SCUBE1: variants seen among roughly 807,000 people sequenced by gnomAD.
SCUBE1 encodes the protein signal peptide, CUB domain and EGF like domain containing 1.
SCUBE1 carries 59 observed loss-of-function variants against 124.4 expected under a neutral mutation model. The ratio of observed to expected loss-of-function variants is 0.47; its 90% CI spans 0.38 to 0.59. The LOEUF (loss-of-function observed/expected upper bound fraction) is 0.59. SCUBE1 is among the 20% of genes least tolerant of loss of function. SCUBE1 has a pLI of 0.00. For missense variants in SCUBE1, 1,150 were observed against 1,371.2 expected, an observed-to-expected ratio of 0.84 and a Z score of 2.55; for synonymous variants, 545 against 550.9, an observed-to-expected ratio of 0.99 and a Z score of 0.15.
chr22:43,198,923 T>G lies in SCUBE1; in HGVS notation c.*5074A>C. On this transcript the variant is annotated 3_prime_UTR_variant, in exon 22 of 22. Coordinates refer to ENST00000360835, the MANE Select transcript of SCUBE1 (RefSeq NM_173050.5). ...CGGGGCAGTTTGTCTGTCTGCTGTC[T>G]GGGGCAGTTTGTCTGTCTGTCTGCT... 1 of 371,848 alleles carries G rather than the reference T, an allele frequency of 2.7e-6. No individual in the cohort carries two copies. Among genetic ancestry groups the G allele is most frequent in the Non-Finnish European group, 5.3e-6 (1 of 189,954 alleles). 23.0% of individuals were successfully genotyped at this position (371,848 alleles called of 1,614,324 possible). A position where few individuals can be genotyped will look rare whatever the true frequency, so the allele number is the denominator to read the frequency against.
chr22:43,331,581 G>A (rs566096136), intron 2 of SCUBE1, among the ~76,000 whole-genome samples: 5 of 152,220 alleles, frequency 3.3e-5, no homozygotes, highest in Non-Finnish European at 7.3e-5. Context: ...TTTGCTCCTC[G>A]TTTGGGGCCT....
At chr22:43,217,977 C>T (rs980250101) in intron 15 of SCUBE1, among the ~76,000 whole-genome samples, 3 of 152,204 alleles carry the variant, frequency 2.0e-5, no homozygotes, top group Admixed American at 6.5e-5. Context: ...TTCTGGTTCC[C>T]GTGCCCCCTC....
At chr22:43,244,803 C>T (rs544026710) in intron 6 of SCUBE1, among the ~76,000 whole-genome samples, 17 of 152,252 alleles carry the variant, frequency 1.1e-4, no homozygotes, top group Non-Finnish European at 2.4e-4. Context: ...ATGGGCCCAG[C>T]GTCCCACAAA....
intron 2 of SCUBE1, among the ~76,000 whole-genome samples, chr22:43,324,306 G>A (rs564036375): frequency 6.6e-6 from 1 of 152,074 alleles, no homozygotes; most frequent in East Asian, 1.9e-4. Flanking sequence ...TCCCCATAAC[G>A]TAGGCCACAG....
intron 5 of SCUBE1, 129 bp downstream of exon 5, chr22:43,262,591 T>C (rs1285722569): frequency 9.1e-7 from 1 of 1,094,662 alleles, no homozygotes; most frequent in Non-Finnish European, 1.3e-6. Flanking sequence ...CCACAGGCCC[T>C]GCCCTTCTCT....
At chr22:43,270,999 G>A (rs776293941) in intron 4 of SCUBE1, among the ~76,000 whole-genome samples, 1 of 152,164 alleles carries the variant, frequency 6.6e-6, no homozygotes, top group Admixed American at 6.5e-5. Context: ...CCTCCCGGCC[G>A]CCCTGCACAA....
intron 16 of SCUBE1, 44 bp downstream of exon 16, chr22:43,214,046 C>CCCGG: frequency 2.4e-6 from 1 of 422,700 alleles, no homozygotes; most frequent in Non-Finnish European, 4.1e-6. Context: ...GAGGAGCCCC[C>CCCGG]GCCCACCCCC....
chr22:43,264,463 G>A (rs1269241405), intron 4 of SCUBE1, among the ~76,000 whole-genome samples: 1 of 152,192 alleles, frequency 6.6e-6, no homozygotes, highest in Non-Finnish European at 1.5e-5. Flanking sequence ...GGGCCTGGCT[G>A]GACCGGGTGG....
At position 43,234,933 on chromosome 22, in the gene SCUBE1, C is replaced by T. The variant is rs1922697653; in HGVS notation, c.845-3058G>A. On this transcript the variant is annotated intron_variant, in intron 7 of 21. Transcript: ENST00000360835. This position sits in a 1 kb window ranked among gnomAD's most constrained non-coding sequence, Gnocchi z 4.4. ...CCAGTGACCGCACCCAGTACAGCCA[C>T]AGCCCCCCTCTCACCTGCTGACCCC... is the stretch of plus-strand genomic sequence containing the variant. Among the ~76,000 whole-genome samples, 1 of 152,222 alleles carries T rather than the reference C, an allele frequency of 6.6e-6. No individual in the cohort carries two copies. Among genetic ancestry groups the T allele is most frequent in the Admixed American group, 6.5e-5 (1 of 15,290 alleles).
intron 4 of SCUBE1, among the ~76,000 whole-genome samples, chr22:43,263,443 A>G (rs991186539): frequency 3.3e-5 from 5 of 152,198 alleles, no homozygotes; most frequent in Non-Finnish European, 4.4e-5. Flanking sequence ...CTGTCTGCCA[A>G]CCCACCAGCT....
intron 3 of SCUBE1, among the ~76,000 whole-genome samples, chr22:43,306,681 C>G (rs117978708): frequency 5.3e-5 from 8 of 152,180 alleles, no homozygotes; most frequent in Non-Finnish European, 1.0e-4. Context: ...CCTTCCTTCA[C>G]GTACACCCTT....
rs747823454 is a variant in SCUBE1 at position 43,227,489 on chromosome 22, G to C, written c.1092C>G (p.Asp364Glu). ...AGCTCCCGTTGCTCATGCTGCACTC[G>C]TCCACATCTGGAAGCACAGCGGGCG... ...LYGTTHCGDVDECSMSNGSCD... is the reference protein window; with the variant it reads ...LYGTTHCGDVEECSMSNGSCD... The change falls in exon 10 of 22, where the codon GAC (aspartate) becomes GAG (glutamate). Residue 364 changes from aspartate (D) to glutamate (E), a missense_variant. Around this residue, in one of 3 missense-constraint regions of SCUBE1, gnomAD observed 337 missense variants for 482.1 expected, o/e 0.70. Transcript: ENST00000360835. 2 of 1,611,978 alleles carry C rather than the reference G, an allele frequency of 1.2e-6. No individual in the cohort carries two copies. Among genetic ancestry groups the C allele is most frequent in the African/African-American group, 2.7e-5 (2 of 74,894 alleles).
chr22:43,220,119 A>G (rs1213005908), intron 14 of SCUBE1, among the ~76,000 whole-genome samples: 6 of 152,154 alleles, frequency 3.9e-5, no homozygotes, highest in Non-Finnish European at 5.9e-5. Context: ...CCTTGGCTCA[A>G]CCATTCTAGG....
chr22:43,252,508 C>G (rs1923492862), intron 6 of SCUBE1, among the ~76,000 whole-genome samples: 1 of 152,216 alleles, frequency 6.6e-6, no homozygotes, highest in Non-Finnish European at 1.5e-5. Context: ...GGTCCAGGTT[C>G]TGACCTTGCT....
At chr22:43,310,404 C>T (rs572420498) in intron 3 of SCUBE1, among the ~76,000 whole-genome samples, 58 of 152,324 alleles carry the variant, frequency 3.8e-4, no homozygotes, top group African/African-American at 9.9e-4. Flanking sequence ...TAGGACCCAG[C>T]GGCCATGATG....
Position 43,212,480 on chromosome 22 carries a change from C to G in SCUBE1, c.2166G>C (p.Gly722=). The G allele has an allele frequency of 6.4e-7, 1 of 1,554,350 alleles. No homozygotes were observed. The highest frequency in any genetic ancestry group is 8.7e-7 in the Non-Finnish European group (1 of 1,148,930). The part of the protein sequence containing the change: ...PGRTGCFPCG[G]GLLTKHEGTT... Reference sequence around the variant, plus strand: ...TGCCTTCGTGTTTGGTGAGCAAACCCCCTCCACAGGGGAAGCAGCCGGTGC... The same window carrying G: ...TGCCTTCGTGTTTGGTGAGCAAACCGCCTCCACAGGGGAAGCAGCCGGTGC... Residue 722 remains glycine, a synonymous_variant, in exon 17 of 22, where the codon GGG becomes GGC. Coordinates refer to ENST00000360835, the MANE Select transcript of SCUBE1 (RefSeq NM_173050.5).
intron 10 of SCUBE1, among the ~76,000 whole-genome samples, chr22:43,226,137 T>C (rs1393712815): frequency 2.0e-5 from 3 of 152,238 alleles, no homozygotes; most frequent in Non-Finnish European, 1.5e-5. Flanking sequence ...TTCCAGGTGC[T>C]GGGGCTCTAG....
intron 3 of SCUBE1, among the ~76,000 whole-genome samples, chr22:43,296,097 A>G (rs1214544051): frequency 1.3e-5 from 2 of 152,196 alleles, no homozygotes; most frequent in Non-Finnish European, 2.9e-5. Flanking sequence ...GCTAAGAGGA[A>G]CAGCAGAGCC....
intron 4 of SCUBE1, among the ~76,000 whole-genome samples, chr22:43,275,558 A>T (rs1924472802): frequency 6.6e-6 from 1 of 152,198 alleles, no homozygotes; most frequent in East Asian, 1.9e-4. Context: ...TAGAGGGCTG[A>T]ACCATTTCAA....
Sources: gnomAD v4.1 joint callset for allele counts (sites outside exome capture counted in the v4.1 genomes callset) on GRCh38, gnomAD v4.1.1 for gene constraint, gnomAD v4.1.1 regional missense constraint, Gnocchi (gnomAD v3.1) non-coding constraint, MANE v1.5 for transcripts, NCBI Gene and HGNC (gene_info 2026-07-23, HGNC 2026-07-21) for gene names.